LPP: variants seen among roughly 807,000 people sequenced by gnomAD.
LPP encodes lipoma-preferred partner.
In LPP, 38 loss-of-function variants were observed where a neutral mutation model predicts 60.4. The ratio of observed to expected loss-of-function variants is 0.63; its 90% CI spans 0.49 to 0.83. The LOEUF is 0.83. Ranked by LOEUF, LPP falls within the 40% of genes least tolerant of loss-of-function variation. The pLI is 0.00. For missense variants in LPP, 902 were observed against 783.6 expected (o/e 1.15, Z -1.80); for synonymous variants, 328 against 290.8 (o/e 1.13, Z -1.30).
chr3:188,781,508 A>C (rs563867951), intron 9 of LPP, among the ~76,000 whole-genome samples: 2 of 152,174 alleles, frequency 1.3e-5, no homozygotes, highest in African/African-American at 4.8e-5. Flanking sequence ...GGAAACTTAC[A>C]ATCATGGTGG....
chr3:188,682,131 T>A (rs758424443), intron 7 of LPP, among the ~76,000 whole-genome samples: 30 of 152,358 alleles, frequency 2.0e-4, no homozygotes, highest in Middle Eastern at 3.4e-3. Context: ...CTGCTCAGGT[T>A]TGCATAGCTA....
chr3:188,657,390 T>C (rs2149061530), intron 7 of LPP, among the ~76,000 whole-genome samples: 1 of 151,546 alleles, frequency 6.6e-6, no homozygotes, highest in East Asian at 1.9e-4. Flanking sequence ...ACAACTTTAA[T>C]TTCAAAATTT....
chr3:188,529,010 CCATT>C (rs1199367657), intron 6 of LPP, among the ~76,000 whole-genome samples: 1 of 152,122 alleles, frequency 6.6e-6, no homozygotes, highest in Admixed American at 6.5e-5. Flanking sequence ...TGTGCCTGTT[CCATT>C]CAGAAATTAA....
At chr3:188,818,615 A>G (rs1753112479) in intron 9 of LPP, among the ~76,000 whole-genome samples, 1 of 152,148 alleles carries the variant, frequency 6.6e-6, no homozygotes, top group Non-Finnish European at 1.5e-5. Context: ...TATATGTGAG[A>G]TTGAGAGGCA....
intron 9 of LPP, among the ~76,000 whole-genome samples, chr3:188,780,897 G>T (rs901445963): frequency 8.5e-5 from 13 of 152,318 alleles, no homozygotes; most frequent in East Asian, 3.9e-4. Flanking sequence ...AGTAATGGAG[G>T]AGACACTTTC....
At chr3:188,523,717 T>C (rs1356705979) in intron 5 of LPP, among the ~76,000 whole-genome samples, 1 of 152,262 alleles carries the variant, frequency 6.6e-6, no homozygotes, top group Non-Finnish European at 1.5e-5. Flanking sequence ...TAGAATTGAT[T>C]AGATTATTGT....
chr3:188,357,924 T>C (rs1321464481), intron 3 of LPP, among the ~76,000 whole-genome samples: 1 of 152,218 alleles, frequency 6.6e-6, no homozygotes, highest in Non-Finnish European at 1.5e-5. Flanking sequence ...GTCTTGTTTT[T>C]CAGCTGGCTG....
intron 7 of LPP, among the ~76,000 whole-genome samples, chr3:188,640,023 T>C (rs1438399140): frequency 6.6e-6 from 1 of 152,052 alleles, no homozygotes; most frequent in Admixed American, 6.6e-5. Flanking sequence ...ACTGGGTATA[T>C]ACCCAAAGGA....
intron 3 of LPP, among the ~76,000 whole-genome samples, chr3:188,344,123 G>A (rs954925486): frequency 1.3e-5 from 2 of 152,206 alleles, no homozygotes; most frequent in African/African-American, 4.8e-5. Context: ...AACGAGAACA[G>A]GCTTCTGGCC....
chr3:188,462,069 G>A (rs1213326242), intron 4 of LPP, among the ~76,000 whole-genome samples: 5 of 152,158 alleles, frequency 3.3e-5, no homozygotes, highest in South Asian at 4.1e-4. Flanking sequence ...TTTAAAAAAT[G>A]TGCTAATTTT....
intron 9 of LPP, among the ~76,000 whole-genome samples, chr3:188,827,703 G>A (rs1471614735): frequency 6.6e-6 from 1 of 152,058 alleles, no homozygotes; most frequent in African/African-American, 2.4e-5. Flanking sequence ...GGGGGCAGGG[G>A]TAGGGGGAAG....
intron 6 of LPP, among the ~76,000 whole-genome samples, chr3:188,577,883 C>T (rs530614241): frequency 7.9e-4 from 109 of 137,616 alleles, no homozygotes; most frequent in Non-Finnish European, 1.3e-3. Context: ...CTTCTGTCTT[C>T]CTCTCCCCAC....
intron 8 of LPP, among the ~76,000 whole-genome samples, chr3:188,715,372 G>A (rs1284015768): frequency 2.1e-3 from 155 of 72,498 alleles, no homozygotes; most frequent in South Asian, 2.4e-3. Context: ...GGGAGACTCC[G>A]TCTCAAAAAA....
intron 1 of LPP, among the ~76,000 whole-genome samples, chr3:188,190,354 TG>T (rs2148989044): frequency 6.6e-6 from 1 of 152,298 alleles, no homozygotes; most frequent in African/African-American, 2.4e-5. Context: ...CCACCGTGCC[TG>T]GCCCATTCTT....
intron 7 of LPP, among the ~76,000 whole-genome samples, chr3:188,704,759 T>TGTC (rs1865146876): frequency 8.0e-6 from 1 of 125,394 alleles, no homozygotes; most frequent in South Asian, 2.7e-4. Flanking sequence ...ATACCTGTTT[T>TGTC]GTTGTTGTTG....
At chr3:188,590,357 G>T (rs1448449528) in intron 6 of LPP, among the ~76,000 whole-genome samples, 1 of 152,090 alleles carries the variant, frequency 6.6e-6, no homozygotes, top group Non-Finnish European at 1.5e-5. Context: ...TGGATCACTT[G>T]AGGTCAGGAG....
intron 1 of LPP, among the ~76,000 whole-genome samples, chr3:188,195,123 G>A (rs758736671): frequency 9.2e-5 from 14 of 152,202 alleles, no homozygotes; most frequent in Middle Eastern, 3.4e-3. Context: ...GCTGGGCGTC[G>A]TGGCTTGTGG....
chr3:188,395,781 G>T (rs1056608363), intron 3 of LPP, among the ~76,000 whole-genome samples: 3 of 151,990 alleles, frequency 2.0e-5, no homozygotes, highest in African/African-American at 7.2e-5. Context: ...AGACATTGTG[G>T]CACACCTATA....
intron 1 of LPP, among the ~76,000 whole-genome samples, chr3:188,181,656 G>A (rs906444039): frequency 6.6e-6 from 1 of 152,196 alleles, no homozygotes; most frequent in African/African-American, 2.4e-5. Context: ...CCTCAAAAGT[G>A]GAGCAATTCT....
Sources: gnomAD v4.1 joint callset for allele counts (sites outside exome capture counted in the v4.1 genomes callset) on GRCh38, gnomAD v4.1.1 for gene constraint, MANE v1.5 for transcripts, NCBI Gene and HGNC (gene_info 2026-07-23, HGNC 2026-07-21) for gene names.